The following IQCE variants were observed in gnomAD, a reference collection of about 807,000 sequenced individuals.
IQCE encodes the protein IQ motif containing E.
IQCE carries 115 observed loss-of-function variants against 96.0 expected under a neutral mutation model. The observed-to-expected ratio is 1.20, with a 90% CI of 1.03 to 1.40. IQCE has a LOEUF of 1.40. IQCE is among the 40% of genes most tolerant of loss of function. The probability of loss-of-function intolerance (pLI) is 0.00; values close to 1 mark genes in which losing one functional copy is unlikely to be tolerated. For synonymous variants in IQCE, 412 were observed against 371.2 expected (o/e 1.11, Z -1.26); for missense variants, 1,041 against 909.1 (o/e 1.15, Z -1.87).
chr7:2,599,439 A>G (rs1156269250), intron 17 of IQCE, among the ~76,000 whole-genome samples: 2 of 152,032 alleles, frequency 1.3e-5, no homozygotes, highest in African/African-American at 4.8e-5. Context: ...CAGGTGATCC[A>G]CCCATCTTGG....
At chr7:2,560,246 C>G (rs550035568) in intron 1 of IQCE, among the ~76,000 whole-genome samples, 1 of 152,174 alleles carries the variant, frequency 6.6e-6, no homozygotes, top group South Asian at 2.1e-4. Flanking sequence ...GAGGCCCTGT[C>G]TCAAAAAAAA....
At chr7:2,567,666 G>GAAAAGGAAGTGTGCCA (rs2128432187) in intron 2 of IQCE, among the ~76,000 whole-genome samples, 1 of 152,388 alleles carries the variant, frequency 6.6e-6, no homozygotes, top group East Asian at 1.9e-4. Context: ...GTGCTGGGTA[G>GAAAAGGAAGTGTGCCA]AAAAGGAAGT....
rs1369756904 is a variant in IQCE, at chr7:2,589,896, G to A, written c.1045-11G>A. The stretch of plus-strand genomic sequence containing the variant: ...GAACTAGTATCTAACACATGTCTGT[G>A]TTGCCTCCAGAAACTAAGTGTGATG... On this transcript the variant is annotated splice_polypyrimidine_tract_variant and intron_variant, in intron 13 of 21. Coordinates refer to ENST00000402050, the MANE Select transcript of IQCE (RefSeq NM_152558.5). 1.9e-6 allele frequency: 3 copies of A among 1,612,884 alleles called. No individual in the cohort carries two copies. The highest frequency in any genetic ancestry group is 2.5e-6 in the Non-Finnish European group (3 of 1,179,374).
At chr7:2,572,169 A>C in intron 4 of IQCE, 23 bp from the exon 5 acceptor site, 4 of 1,604,196 alleles carry the variant, frequency 2.5e-6, no homozygotes, top group Non-Finnish European at 3.4e-6. Flanking sequence ...CTGTCATATT[A>C]AACCCATGCA....
intron 6 of IQCE, among the ~76,000 whole-genome samples, chr7:2,577,454 G>C (rs1432681384): frequency 2.5e-5 from 2 of 80,312 alleles, no homozygotes; most frequent in African/African-American, 9.2e-5. Context: ...GTACTTGGCT[G>C]TGCGCGCGGG....
In IQCE at chr7:2,582,589, G is replaced by A. The variant is rs534230174; in HGVS notation, c.640G>A (p.Gly214Arg). Residue 214 changes from glycine to arginine, a missense_variant, in exon 9 of 22, where the codon GGG becomes AGG. Transcript: ENST00000402050. Reference protein sequence around the residue: ...KRPDASWVINGLKQRILKLEQ... With the variant: ...KRPDASWVINRLKQRILKLEQ... The stretch of plus-strand genomic sequence containing the variant: ...CACGTTCCCCGGGCAGGTCATTAAC[G>A]GGCTGAAGCAGAGGATCCTGAAGCT... 3.3e-5 allele frequency: 54 copies of A among 1,613,902 alleles called. No homozygotes were observed. The African/African-American group carries it at 3.9e-4, about 12-fold the overall frequency.
intron 20 of IQCE, among the ~76,000 whole-genome samples, chr7:2,606,495 G>T (rs562881339): frequency 6.6e-5 from 10 of 152,294 alleles, no homozygotes; most frequent in Admixed American, 2.0e-4. Flanking sequence ...AAGTGAGCCT[G>T]GCCGGGGGGA....
rs1200730805 is a variant in IQCE, at chr7:2,578,368, C to A, written c.579+13C>A. The A allele has an allele frequency of 2.5e-6, 4 of 1,611,752 alleles. No individual in the cohort carries two copies. In the Admixed American group the frequency reaches 6.7e-5, roughly 27 times the overall value. On this transcript the variant is annotated intron_variant, in intron 7 of 21. Coordinates refer to ENST00000402050, the MANE Select transcript of IQCE (RefSeq NM_152558.5). ...GGATCCCAGCCGCGTAAGCTCCTGG[C>A]GCTTCACGGACGGGGCAAGGGGAGG...
At chr7:2,608,165 C>G (rs1308742226) in intron 21 of IQCE, among the ~76,000 whole-genome samples, 1 of 152,222 alleles carries the variant, frequency 6.6e-6, no homozygotes, top group African/African-American at 2.4e-5. Context: ...CCCTTCAGGA[C>G]GGGCCCAGGG....
intron 21 of IQCE, among the ~76,000 whole-genome samples, chr7:2,609,664 T>C (rs1192593635): frequency 6.6e-6 from 1 of 151,920 alleles, no homozygotes; most frequent in Non-Finnish European, 1.5e-5. Context: ...GGTGTGTAAG[T>C]TGGTCCTGAG....
In IQCE at chr7:2,610,384, G is replaced by C. The variant is rs529834016; in HGVS notation, c.*222G>C. 2.0e-6 allele frequency: 1 copy of C among 492,944 alleles called. No individual in the cohort carries two copies. The highest frequency in any genetic ancestry group is 3.6e-5 in the East Asian group (1 of 27,586). The allele number at this position is 492,944 out of a possible 1,614,324, so 30.5% of individuals were successfully genotyped here. ...GCGGCTCGCATCCCCCTCATCTCCA[G>C]CTGCAGCTCGGATGGTGGATTTTCA... On this transcript the variant is annotated 3_prime_UTR_variant, in exon 22 of 22. Transcript: ENST00000402050.
rs762808603 is a variant in IQCE, at chr7:2,571,581, G to A, written c.186G>A (p.Thr62=). The change falls in exon 4 of 22, where the codon ACG becomes ACA. Residue 62 remains threonine, a synonymous_variant. Transcript: ENST00000402050. ...RKVASWRSLR[T]AGSMPLGGRA... ...TGGCCTCCTGGAGGTCCCTCAGGAC[G>A]GCAGGGAGCATGCCTCTGGGCGGCC... 8.1e-6 allele frequency: 13 copies of A among 1,604,380 alleles called. No homozygotes were observed. The highest frequency in any genetic ancestry group is 3.3e-5 in the South Asian group (3 of 91,078).
chr7:2,561,100 G>T (rs1780918845), intron 1 of IQCE, among the ~76,000 whole-genome samples: 2 of 102,446 alleles, frequency 2.0e-5, no homozygotes. Context: ...TGGGACTACA[G>T]GCGCCTGCCA....
At chr7:2,605,567 T>C (rs4721874) in intron 19 of IQCE, among the ~76,000 whole-genome samples, 111,126 of 151,728 alleles carry the variant, frequency 0.73, 40,762 homozygotes, top group African/African-American at 0.77. Context: ...TTACAGTGAG[T>C]CGAGATCACG....
chr7:2,562,593 C>CT (rs34651630), intron 1 of IQCE, among the ~76,000 whole-genome samples: 60 of 142,326 alleles, frequency 4.2e-4, no homozygotes, highest in Middle Eastern at 3.7e-3. Flanking sequence ...GTGAGGCCCC[C>CT]TTTTTTTTTT....
At chr7:2,577,411 G>A (rs1428949062) in intron 6 of IQCE, among the ~76,000 whole-genome samples, 10 of 142,094 alleles carry the variant, frequency 7.0e-5, no homozygotes, top group African/African-American at 1.8e-4. Context: ...CTGTGCGCGC[G>A]GGGACGTGTG....
intron 17 of IQCE, among the ~76,000 whole-genome samples, chr7:2,600,894 C>T (rs1003141102): frequency 3.3e-5 from 5 of 152,214 alleles, no homozygotes; most frequent in African/African-American, 1.2e-4. Flanking sequence ...CTGATTGTGA[C>T]GCTGCGTGTC....
At chr7:2,583,589 C>A in intron 9 of IQCE, 48 bp from the exon 10 acceptor site, 2 of 1,437,414 alleles carry the variant, frequency 1.4e-6, no homozygotes, top group Admixed American at 1.7e-5. Flanking sequence ...TGCTCTGTCC[C>A]CTGGGAACGC....
chr7:2,562,766 C>T (rs1351298460), intron 1 of IQCE, among the ~76,000 whole-genome samples: 1 of 150,182 alleles, frequency 6.7e-6, no homozygotes, highest in Non-Finnish European at 1.5e-5. Flanking sequence ...TTATTCCTTT[C>T]TTTTACTTCC....
Sources: gnomAD v4.1 joint callset for allele counts (sites outside exome capture counted in the v4.1 genomes callset) on GRCh38, gnomAD v4.1.1 for gene constraint, MANE v1.5 for transcripts, NCBI Gene and HGNC (gene_info 2026-07-23, HGNC 2026-07-21) for gene names.